Variants in AP1S3 observed in about 807,000 individuals in gnomAD.
The protein encoded by AP1S3 is adaptor related protein complex 1 subunit sigma 3, also known as AP-1 complex subunit sigma-3.
AP1S3 carries 10 observed loss-of-function variants against 20.9 expected under a neutral mutation model. The observed-to-expected ratio is 0.48, with a 90% CI of 0.29 to 0.81. The LOEUF is 0.81. Ranked by LOEUF, AP1S3 falls within the 30% of genes least tolerant of loss-of-function variation. The pLI is 0.08. For missense variants in AP1S3, 154 were observed against 183.8 expected (o/e 0.84, Z 0.94); for synonymous variants, 41 against 61.5 (o/e 0.67, Z 1.56).
chr2:223,812,381 C>G (rs957210941), intron 1 of AP1S3, among the ~76,000 whole-genome samples: 1 of 152,182 alleles, frequency 6.6e-6, no homozygotes, highest in African/African-American at 2.4e-5. Context: ...GCCACCACGC[C>G]TGGCTAATTT....
chr2:223,762,536 G>C (rs1409327007), intron 4 of AP1S3, among the ~76,000 whole-genome samples: 2 of 152,144 alleles, frequency 1.3e-5, no homozygotes, highest in African/African-American at 4.8e-5. Context: ...GCCTCCCAAA[G>C]TGTTGGGCTT....
At chr2:223,817,330 T>C (rs953484642) in intron 1 of AP1S3, among the ~76,000 whole-genome samples, 1 of 152,008 alleles carries the variant, frequency 6.6e-6, no homozygotes, top group Non-Finnish European at 1.5e-5. Flanking sequence ...ATTTGGGGGC[T>C]GGGTGTGGTA....
Position 223,770,856 on chromosome 2 carries a change from T to C in AP1S3, c.291+5045A>G, listed in dbSNP as rs572457115. 4.6e-5 allele frequency among the ~76,000 whole-genome samples: 7 copies of C among 150,546 alleles called. No individual in the cohort carries two copies. The South Asian group carries it at 1.5e-3, about 32-fold the overall frequency. ...TATTCTACCGCCTCAGCCTCCCAAG[T>C]AGCTGCGATTACAGGCATATGCCAC... On this transcript the variant is annotated intron_variant, in intron 3 of 4. Transcript: ENST00000396654.
intron 1 of AP1S3, among the ~76,000 whole-genome samples, chr2:223,793,559 G>A (rs1295954290): frequency 6.6e-6 from 1 of 152,100 alleles, no homozygotes; most frequent in African/African-American, 2.4e-5. Context: ...ACAGTGGGGA[G>A]TGGAGGGTAG....
At chr2:223,807,613 C>T (rs761249166) in intron 1 of AP1S3, among the ~76,000 whole-genome samples, 23 of 152,108 alleles carry the variant, frequency 1.5e-4, no homozygotes, top group Non-Finnish European at 2.6e-4. Flanking sequence ...CATCATCCTT[C>T]TGGTGCTGTT....
At chr2:223,764,080 G>C (rs181887063) in intron 4 of AP1S3, among the ~76,000 whole-genome samples, 1 of 152,002 alleles carries the variant, frequency 6.6e-6, no homozygotes, top group African/African-American at 2.4e-5. Flanking sequence ...CCCCATGCCC[G>C]GCTAATTTTT....
chr2:223,802,883 C>T (rs1691499850), intron 1 of AP1S3, among the ~76,000 whole-genome samples: 1 of 152,286 alleles, frequency 6.6e-6, no homozygotes, highest in East Asian at 1.9e-4. Flanking sequence ...TGTAGTGAAA[C>T]TGCAATAAAT....
chr2:223,780,357 A>AGTGTGTGTGTGTGTGTGTGTGTGT (rs57103665), intron 1 of AP1S3, among the ~76,000 whole-genome samples: 1 of 44,448 alleles, frequency 2.2e-5, no homozygotes, highest in Non-Finnish European at 3.5e-5. Context: ...AGAGAGAGAG[A>AGTGTGTGTGTGTGTGTGTGTGTGT]GTGTGTGTGT....
chr2:223,769,034 G>C (rs1395007261), intron 3 of AP1S3, among the ~76,000 whole-genome samples: 2 of 152,082 alleles, frequency 1.3e-5, no homozygotes. Flanking sequence ...AACTTCACAA[G>C]GAACATGGTT....
chr2:223,832,571 T>C (rs1190941470), intron 1 of AP1S3, among the ~76,000 whole-genome samples: 1 of 152,032 alleles, frequency 6.6e-6, no homozygotes, highest in Non-Finnish European at 1.5e-5. Flanking sequence ...CTAGACCAAG[T>C]CTCCGAGGAG....
intron 1 of AP1S3, among the ~76,000 whole-genome samples, chr2:223,787,869 CCA>C (rs1434903689): frequency 3.3e-5 from 5 of 152,190 alleles, no homozygotes; most frequent in Non-Finnish European, 5.9e-5. Context: ...GCTCCGGCCC[CCA>C]GAGTCAGTAA....
At chr2:223,808,442 G>A (rs1175253480) in intron 1 of AP1S3, among the ~76,000 whole-genome samples, 3 of 151,992 alleles carry the variant, frequency 2.0e-5, no homozygotes, top group Non-Finnish European at 4.4e-5. Context: ...GTATTTTTTT[G>A]GTCAATCCAT....
At chr2:223,784,661 T>C (rs184778621) in intron 1 of AP1S3, among the ~76,000 whole-genome samples, 52 of 152,084 alleles carry the variant, frequency 3.4e-4, no homozygotes, top group African/African-American at 1.2e-3. Flanking sequence ...GTGTCAAGAG[T>C]CCTATAAGTG....
chr2:223,795,772 T>G (rs557119485), intron 1 of AP1S3, among the ~76,000 whole-genome samples: 2 of 152,290 alleles, frequency 1.3e-5, no homozygotes, highest in African/African-American at 4.8e-5. Flanking sequence ...AAAACAATGA[T>G]AAGGACCTCA....
chr2:223,832,554 C>T (rs1453271085), intron 1 of AP1S3, among the ~76,000 whole-genome samples: 1 of 152,162 alleles, frequency 6.6e-6, no homozygotes, highest in African/African-American at 2.4e-5. Flanking sequence ...AACTGCTGGC[C>T]AGCAGCCTAG....
At chr2:223,796,618 T>C (rs1453604253) in intron 1 of AP1S3, among the ~76,000 whole-genome samples, 1 of 152,206 alleles carries the variant, frequency 6.6e-6, no homozygotes, top group Non-Finnish European at 1.5e-5. Context: ...AGGTGTTTAC[T>C]TCAGGGTTCC....
At chr2:223,776,350 A>G (rs752189891) in intron 2 of AP1S3, among the ~76,000 whole-genome samples, 15 of 152,182 alleles carry the variant, frequency 9.9e-5, no homozygotes, top group Non-Finnish European at 1.6e-4. Context: ...TAAAATAGAA[A>G]GCCCTGACCA....
rs116714320 is a variant in AP1S3, at chr2:223,798,749, C to T, written c.4-20880G>A. Reference sequence around the variant, plus strand: ...TTCATATGTTACAGTCCTAACCCCCCAGTACTTCAGAATTCAACTTTATTT... The same window carrying T: ...TTCATATGTTACAGTCCTAACCCCCTAGTACTTCAGAATTCAACTTTATTT... On this transcript the variant is annotated intron_variant, in intron 1 of 4. Transcript: ENST00000396654. 3.8e-3 allele frequency among the ~76,000 whole-genome samples: 574 copies of T among 152,288 alleles called. 4 individuals carry two copies. The highest frequency in any genetic ancestry group is 0.013 in the African/African-American group (541 of 41,564).
Position 223,757,646 on chromosome 2 carries a change from T to C in AP1S3, c.*1069A>G, listed in dbSNP as rs1690252779. 1 of 985,276 alleles carries C rather than the reference T, an allele frequency of 1.0e-6. No individual in the cohort carries two copies. Among genetic ancestry groups the C allele is most frequent in the Middle Eastern group, 5.2e-4 (1 of 1,936 alleles). 61.0% of individuals were successfully genotyped at this position (985,276 alleles called of 1,614,324 possible). ...TGTTAGGACCTGGTTATACAGAATTTTCATTCCAGGAAGCACAAATGTGAT... is the reference window on the plus strand; with the variant it reads ...TGTTAGGACCTGGTTATACAGAATTCTCATTCCAGGAAGCACAAATGTGAT... On this transcript the variant is annotated 3_prime_UTR_variant, in exon 5 of 5. Transcript: ENST00000396654.
Sources: gnomAD v4.1 joint callset for allele counts (sites outside exome capture counted in the v4.1 genomes callset) on GRCh38, gnomAD v4.1.1 for gene constraint, MANE v1.5 for transcripts, NCBI Gene and HGNC (gene_info 2026-07-23, HGNC 2026-07-21) for gene names.